Variants in DLGAP1 observed in about 807,000 individuals in gnomAD.
The protein encoded by DLGAP1 is DLG associated protein 1.
Under a neutral mutation model 90.8 loss-of-function variants are expected in DLGAP1, and 11 were observed. The ratio of observed to expected loss-of-function variants is 0.12; its 90% confidence interval spans 0.08 to 0.20. The LOEUF is 0.20. Ranked by LOEUF, DLGAP1 falls within the 10% of genes least tolerant of loss-of-function variation. The pLI is 1.00. For synonymous variants in DLGAP1, 558 were observed against 540.7 expected, an observed-to-expected ratio of 1.03 and a Z score of -0.44; for missense variants, 1,050 against 1,333.8, an observed-to-expected ratio of 0.79 and a Z score of 3.31.
At chr18:3,539,601 C>T (rs72859831) in intron 9 of DLGAP1, among the ~76,000 whole-genome samples, 9,314 of 152,276 alleles carry the variant, frequency 0.061, 384 homozygotes, top group Middle Eastern at 0.11. Flanking sequence ...GGAGTTTCTA[C>T]CCTCTCCCAC....
At chr18:4,026,824 T>C (rs950625909) in intron 2 of DLGAP1, among the ~76,000 whole-genome samples, 2 of 152,212 alleles carry the variant, frequency 1.3e-5, no homozygotes, top group African/African-American at 2.4e-5. Context: ...AAATTAATTA[T>C]AAATTGGCAT....
Position 3,729,260 on chromosome 18 carries a change from A to G in DLGAP1, c.1466T>C (p.Met489Thr). 6.2e-7 allele frequency: 1 copy of G among 1,614,046 alleles called. No homozygotes were observed. The highest frequency in any genetic ancestry group is 8.5e-7 in the Non-Finnish European group (1 of 1,179,972). Reference protein sequence around the residue: ...LDLPMPGCFRMRSHSYVRAIE... With the variant: ...LDLPMPGCFRTRSHSYVRAIE... ...GGCCCGCACATAGCTGTGGCTCCGC[A>G]TGCGGAAGCAGCCGGGCATGGGCAG... is the stretch of plus-strand genomic sequence containing the variant. The change falls in exon 7 of 13, where the codon ATG becomes ACG. Residue 489 changes from methionine (M) to threonine (T), a missense_variant. Physicochemically the swap from Met to Thr is moderately conservative, Grantham distance 81. Coordinates refer to ENST00000315677, the MANE Select transcript of DLGAP1 (RefSeq NM_004746.4). The surrounding 1 kb of genome is among the most constrained non-coding windows in gnomAD (Gnocchi z 6.2).
At chr18:4,011,145 T>A in intron 2 of DLGAP1, among the ~76,000 whole-genome samples, 1 of 136,532 alleles carries the variant, frequency 7.3e-6, no homozygotes, top group African/African-American at 2.8e-5. Flanking sequence ...CATTGCACTC[T>A]AGCCTGGGAG....
chr18:4,321,943 A>C (rs1483975609), intron 1 of DLGAP1, among the ~76,000 whole-genome samples: 1 of 139,052 alleles, frequency 7.2e-6, no homozygotes, highest in East Asian at 2.1e-4. Flanking sequence ...CACGCCTGTA[A>C]ACTCAGCAGT....
intron 2 of DLGAP1, among the ~76,000 whole-genome samples, chr18:4,008,022 T>A (rs2074339152): frequency 6.6e-6 from 1 of 152,140 alleles, no homozygotes; most frequent in Non-Finnish European, 1.5e-5. Context: ...AACTATTTTT[T>A]AAAATTGGAA....
chr18:3,976,009 G>A (rs879653341), intron 3 of DLGAP1, among the ~76,000 whole-genome samples: 8 of 151,944 alleles, frequency 5.3e-5, no homozygotes, highest in Non-Finnish European at 1.0e-4. Flanking sequence ...GGTGACGGTT[G>A]TACAACAATG....
At chr18:3,584,663 G>A (rs2055767378) in intron 7 of DLGAP1, among the ~76,000 whole-genome samples, 2 of 152,054 alleles carry the variant, frequency 1.3e-5, no homozygotes, top group African/African-American at 4.8e-5. Flanking sequence ...TGACATAGAG[G>A]CAGTCACCCC....
chr18:3,958,731 A>G (rs1032775444), intron 3 of DLGAP1, among the ~76,000 whole-genome samples: 1 of 151,906 alleles, frequency 6.6e-6, no homozygotes, highest in African/African-American at 2.4e-5. Flanking sequence ...GACTGCCTCC[A>G]GGCATTGGGA....
chr18:4,247,435 A>G (rs576519344), intron 1 of DLGAP1, among the ~76,000 whole-genome samples: 4 of 152,138 alleles, frequency 2.6e-5, no homozygotes, highest in Admixed American at 6.5e-5. Flanking sequence ...TAGCTACAAT[A>G]TACTGCCTTA....
chr18:3,771,590 T>C (rs8087633), intron 5 of DLGAP1, among the ~76,000 whole-genome samples: 1 of 152,172 alleles, frequency 6.6e-6, no homozygotes, highest in Non-Finnish European at 1.5e-5. Context: ...ATAATACCAC[T>C]CTCCAAGTCA....
At chr18:4,397,752 C>A (rs2082470236) in intron 1 of DLGAP1, among the ~76,000 whole-genome samples, 1 of 152,126 alleles carries the variant, frequency 6.6e-6, no homozygotes, top group Non-Finnish European at 1.5e-5. Flanking sequence ...TAAGGATAGA[C>A]TGGTAATTTT....
At chr18:4,391,766 C>T (rs2082345999) in intron 1 of DLGAP1, among the ~76,000 whole-genome samples, 1 of 152,162 alleles carries the variant, frequency 6.6e-6, no homozygotes, top group Non-Finnish European at 1.5e-5. Context: ...AACGCATGTT[C>T]TTGGGCTAAA....
intron 1 of DLGAP1, among the ~76,000 whole-genome samples, chr18:4,194,007 A>G (rs1245332637): frequency 6.6e-6 from 1 of 152,092 alleles, no homozygotes; most frequent in African/African-American, 2.4e-5. Context: ...TTTTTTTTCA[A>G]ATTGGTGGCT....
intron 7 of DLGAP1, chr18:3,655,510 G>A (rs527394518): frequency 6.6e-6 from 1 of 152,266 alleles, no homozygotes; most frequent in South Asian, 2.1e-4. Flanking sequence ...TGACTGAAGG[G>A]AACTGCCACT....
chr18:3,566,534 T>C (rs1269954434), intron 9 of DLGAP1, among the ~76,000 whole-genome samples: 2 of 152,132 alleles, frequency 1.3e-5, no homozygotes, highest in Non-Finnish European at 2.9e-5. Context: ...CATAAACTGA[T>C]AAATTCCTCC....
At position 3,600,747 on chromosome 18, in the gene DLGAP1, GATATATATAGATATATAGAT is replaced by G. The variant is rs1434032031; in HGVS notation, c.1592-18519_1592-18500del. Among the ~76,000 whole-genome samples, 21 of 22,458 alleles carry G rather than the reference GATATATATAGATATATAGAT, an allele frequency of 9.4e-4. 1 individual carries two copies. The highest frequency in any genetic ancestry group is 4.6e-3 in the African/African-American group (17 of 3,678). 14.7% of individuals were successfully genotyped at this position (22,458 alleles called of 152,430 possible). On this transcript the variant is annotated intron_variant, in intron 7 of 12. Transcript: ENST00000315677. Reference sequence around the variant, plus strand: ...AGATATAGATATATATAGATATATAGATATATATAGATATATAGATATATATAGATATATAGATATATATA... The same window carrying G: ...AGATATAGATATATATAGATATATAGATATATAGATATATAGATATATATA...
intron 7 of DLGAP1, among the ~76,000 whole-genome samples, chr18:3,643,292 A>C (rs542172077): frequency 9.9e-5 from 15 of 152,256 alleles, no homozygotes; most frequent in African/African-American, 3.4e-4. Flanking sequence ...AGAAAAAGTA[A>C]ATCAAAACCA....
chr18:3,496,371 C>T lies in DLGAP1; in HGVS notation c.*2814G>A, dbSNP rs2049696637. 6.6e-6 allele frequency: 1 copy of T among 152,040 alleles called. No individual in the cohort carries two copies. Among genetic ancestry groups the T allele is most frequent in the South Asian group, 2.1e-4 (1 of 4,826 alleles). 9.4% of individuals were successfully genotyped at this position (152,040 alleles called of 1,614,324 possible). A position where few individuals can be genotyped will look rare whatever the true frequency, so the allele number is the denominator to read the frequency against. ...ATGAAAGTGGTAATGCACAGTAAAA[C>T]ATTAAGGAAACATCTATAAATAACA... On this transcript the variant is annotated 3_prime_UTR_variant, in exon 13 of 13. Transcript: ENST00000315677.
chr18:4,001,485 A>G lies in DLGAP1; in HGVS notation c.-73+3631T>C, dbSNP rs140784603. 8.8e-4 allele frequency among the ~76,000 whole-genome samples: 134 copies of G among 151,942 alleles called. 1 individual carries two copies. The highest frequency in any genetic ancestry group is 3.0e-3 in the African/African-American group (126 of 41,478). ...TTCGATGGCCATTTTTTTCTTTATT[A>G]ATGTTTAAGTGAGATGAGTTTTCTT... On this transcript the variant is annotated intron_variant, in intron 3 of 12. Coordinates refer to ENST00000315677, the MANE Select transcript of DLGAP1 (RefSeq NM_004746.4).
Sources: allele counts gnomAD v4.1 joint callset (sites outside exome capture counted in the v4.1 genomes callset), GRCh38; gene constraint gnomAD v4.1.1; non-coding constraint Gnocchi (gnomAD v3.1); transcripts MANE v1.5; gene names NCBI Gene and HGNC (gene_info 2026-07-23, HGNC 2026-07-21).